Variants in ULK4 observed in about 807,000 individuals in gnomAD.
ULK4 encodes inactive serine/threonine-protein kinase ULK4.
A neutral mutation model predicts 160.6 loss-of-function variants in ULK4; 133 were observed. The observed-to-expected ratio is 0.83, with a 90% CI of 0.72 to 0.96. The LOEUF (loss-of-function observed/expected upper bound fraction) is 0.96. Among genes scored for constraint, ULK4 ranks in the 40% least tolerant of loss-of-function variants. The pLI, the probability that ULK4 is intolerant of heterozygous loss-of-function variation, is 0.00. For missense variants in ULK4, 1,580 were observed against 1,499.5 expected (o/e 1.05, Z -0.89); for synonymous variants, 534 against 539.8 (o/e 0.99, Z 0.15).
At chr3:41,731,619 GA>G (rs1290025364) in intron 22 of ULK4, among the ~76,000 whole-genome samples, 3 of 117,368 alleles carry the variant, frequency 2.6e-5, no homozygotes, top group East Asian at 4.9e-4. Flanking sequence ...CACAGAAACA[GA>G]AAAAAAATTC....
At chr3:41,573,677 A>G (rs75059808) in intron 31 of ULK4, among the ~76,000 whole-genome samples, 372 of 152,338 alleles carry the variant, frequency 2.4e-3, no homozygotes, top group East Asian at 0.013. Context: ...AAAAATACAT[A>G]GCACATCCTA....
chr3:41,745,724 A>T (rs1186675193), intron 22 of ULK4, among the ~76,000 whole-genome samples: 1 of 151,656 alleles, frequency 6.6e-6, no homozygotes, highest in African/African-American at 2.4e-5. Context: ...ATAACCCAGT[A>T]TCTCTCATGA....
intron 34 of ULK4, among the ~76,000 whole-genome samples, chr3:41,414,012 C>T (rs562308063): frequency 6.6e-6 from 1 of 152,276 alleles, no homozygotes; most frequent in South Asian, 2.1e-4. Flanking sequence ...CGAGACCAGC[C>T]TGACCAACAT....
chr3:41,816,111 CAG>C (rs552223850), intron 19 of ULK4, among the ~76,000 whole-genome samples: 3 of 151,832 alleles, frequency 2.0e-5, no homozygotes, highest in Admixed American at 6.6e-5. Flanking sequence ...CACACACACA[CAG>C]AGTCTTATAT....
intron 34 of ULK4, among the ~76,000 whole-genome samples, chr3:41,398,774 T>C (rs1407007101): frequency 2.6e-5 from 4 of 152,044 alleles, no homozygotes; most frequent in African/African-American, 4.8e-5. Flanking sequence ...GAAGGTCCTA[T>C]ATTCTTCTTT....
intron 35 of ULK4, among the ~76,000 whole-genome samples, chr3:41,377,773 G>A (rs1487954051): frequency 1.6e-4 from 24 of 147,254 alleles, no homozygotes; most frequent in Non-Finnish European, 3.0e-4. Context: ...TACACTGTTG[G>A]TGGGACTGTA....
At chr3:41,698,609 G>T (rs1211410559) in intron 27 of ULK4, among the ~76,000 whole-genome samples, 1 of 152,104 alleles carries the variant, frequency 6.6e-6, no homozygotes, top group Non-Finnish European at 1.5e-5. Context: ...TCAGATAAGG[G>T]ATAATCAACC....
chr3:41,642,739 G>C, intron 30 of ULK4, among the ~76,000 whole-genome samples: 1 of 152,182 alleles, frequency 6.6e-6, no homozygotes. Flanking sequence ...GGTATTTCTA[G>C]TTCTAGATCC....
intron 21 of ULK4, among the ~76,000 whole-genome samples, chr3:41,787,282 C>A (rs2040024543): frequency 1.3e-5 from 2 of 152,136 alleles, no homozygotes; most frequent in African/African-American, 4.8e-5. Flanking sequence ...CCATGCTGTA[C>A]AATGTTTCCC....
chr3:41,498,648 T>A (rs1019072820), intron 32 of ULK4, among the ~76,000 whole-genome samples: 1 of 151,534 alleles, frequency 6.6e-6, no homozygotes, highest in Non-Finnish European at 1.5e-5. Context: ...CAGGCTGGAG[T>A]GCAGTGGCAC....
intron 35 of ULK4, among the ~76,000 whole-genome samples, chr3:41,328,697 A>G (rs1471925784): frequency 6.6e-6 from 1 of 152,088 alleles, no homozygotes; most frequent in Non-Finnish European, 1.5e-5. Flanking sequence ...TTTAAATAGA[A>G]AGTGGACAAT....
intron 35 of ULK4, among the ~76,000 whole-genome samples, chr3:41,394,914 T>C (rs2082024883): frequency 6.6e-6 from 1 of 152,036 alleles, no homozygotes; most frequent in African/African-American, 2.4e-5. Flanking sequence ...CTTGAACAAC[T>C]AAAGAAGAGA....
chr3:41,735,895 T>C (rs1426633481), intron 22 of ULK4, among the ~76,000 whole-genome samples: 7 of 123,766 alleles, frequency 5.7e-5, no homozygotes, highest in Non-Finnish European at 7.9e-5. Context: ...CCTGTGTCCA[T>C]GTGTTCTCAT....
intron 32 of ULK4, among the ~76,000 whole-genome samples, chr3:41,465,538 G>A (rs979878753): frequency 1.3e-5 from 2 of 152,110 alleles, no homozygotes; most frequent in African/African-American, 4.8e-5. Context: ...ATTTGGTCAT[G>A]GACCTTAAGT....
chr3:41,298,708 A>G (rs894131390), intron 35 of ULK4, among the ~76,000 whole-genome samples: 1 of 152,208 alleles, frequency 6.6e-6, no homozygotes, highest in South Asian at 2.1e-4. Flanking sequence ...CTCAAGTCAT[A>G]GAGAGTCAAA....
chr3:41,717,902 A>T (rs2037328223), intron 22 of ULK4, 41 bp from the exon 23 acceptor site: 1 of 1,587,996 alleles, frequency 6.3e-7, no homozygotes, highest in East Asian at 2.2e-5. Flanking sequence ...TCATGATAAA[A>T]CACTTGATAG....
intron 35 of ULK4, among the ~76,000 whole-genome samples, chr3:41,289,595 C>T (rs1214155315): frequency 1.3e-5 from 2 of 152,120 alleles, no homozygotes; most frequent in Non-Finnish European, 2.9e-5. Flanking sequence ...GGGCAGTACC[C>T]TAGGACATCC....
chr3:41,371,398 C>T lies in ULK4; in HGVS notation c.3678+26681G>A, dbSNP rs577583606. Reference sequence around the variant, plus strand: ...GACAGACACCTCACACAGGAGAGCTCCAGCTGACATCTGGCAGCTGCCCCT... The same window carrying T: ...GACAGACACCTCACACAGGAGAGCTTCAGCTGACATCTGGCAGCTGCCCCT... On this transcript the variant is annotated intron_variant, in intron 35 of 36. Coordinates refer to ENST00000301831, the MANE Select transcript of ULK4 (RefSeq NM_017886.4). Among the ~76,000 whole-genome samples the T allele has an allele frequency of 3.3e-5, 5 of 152,244 alleles. No homozygotes were observed. The East Asian group carries it at 9.7e-4, about 29-fold the overall frequency.
At chr3:41,842,532 TTGAG>T (rs1202639630) in intron 17 of ULK4, among the ~76,000 whole-genome samples, 1 of 151,986 alleles carries the variant, frequency 6.6e-6, no homozygotes, top group East Asian at 1.9e-4. Flanking sequence ...TCTTGTGGGA[TTGAG>T]TGAGTTCTCA....
Sources: allele counts gnomAD v4.1 joint callset (sites outside exome capture counted in the v4.1 genomes callset), GRCh38; gene constraint gnomAD v4.1.1; transcripts MANE v1.5; gene names NCBI Gene and HGNC (gene_info 2026-07-23, HGNC 2026-07-21).